NRXN3: variants seen among roughly 807,000 people sequenced by gnomAD.
The protein encoded by NRXN3 is neurexin III.
NRXN3 carries 32 observed loss-of-function variants against 137.6 expected under a neutral mutation model. The observed-to-expected ratio is 0.23, with a 90% CI of 0.18 to 0.31. NRXN3 has a LOEUF of 0.31. NRXN3 is among the 10% of genes least tolerant of loss of function. The pLI is 1.00. For missense variants in NRXN3, 1,574 were observed against 2,062.5 expected (o/e 0.76, Z 4.59); for synonymous variants, 798 against 784.5 (o/e 1.02, Z -0.29).
chr14:78,329,971 G>A (rs1209707096), intron 4 of NRXN3, among the ~76,000 whole-genome samples: 2 of 152,140 alleles, frequency 1.3e-5, no homozygotes, highest in African/African-American at 4.8e-5. Context: ...TATTATTGCA[G>A]TTACGAGCAT....
intron 15 of NRXN3, among the ~76,000 whole-genome samples, chr14:79,008,083 A>G (rs1312294924): frequency 6.6e-6 from 1 of 152,106 alleles, no homozygotes; most frequent in African/African-American, 2.4e-5. Context: ...AACTGTTTAG[A>G]TATCCACATA....
At chr14:79,415,491 A>G (rs1386700932) in intron 15 of NRXN3, among the ~76,000 whole-genome samples, 9 of 152,154 alleles carry the variant, frequency 5.9e-5, no homozygotes, top group African/African-American at 1.9e-4. Flanking sequence ...ATGTCATTTC[A>G]TGGGAGGGTC....
chr14:78,700,964 G>A (rs942186338), intron 6 of NRXN3, among the ~76,000 whole-genome samples: 1 of 152,044 alleles, frequency 6.6e-6, no homozygotes, highest in East Asian at 1.9e-4. Flanking sequence ...TAGGGACGGG[G>A]TTTCACCATC....
At chr14:79,537,988 C>T (rs2097230412) in intron 16 of NRXN3, among the ~76,000 whole-genome samples, 1 of 152,178 alleles carries the variant, frequency 6.6e-6, no homozygotes, top group Non-Finnish European at 1.5e-5. Context: ...ACCATTCTAA[C>T]TGGTATGAGA....
At chr14:78,671,653 G>A (rs930478260) in intron 6 of NRXN3, among the ~76,000 whole-genome samples, 7 of 151,916 alleles carry the variant, frequency 4.6e-5, no homozygotes, top group Non-Finnish European at 8.8e-5. Context: ...TTAAAAATAC[G>A]TTTATGCATT....
In NRXN3 at chr14:79,388,102, TA is replaced by T. The variant is rs140057318; in HGVS notation, c.3263-79109del. The stretch of plus-strand genomic sequence containing the variant: ...ATGTACCCTAAAACTTAAAGTATAA[TA>T]AAAAAAAAAGTAGGATATTTTTTAA... On this transcript the variant is annotated intron_variant, in intron 15 of 20. Transcript: ENST00000335750. Among the ~76,000 whole-genome samples, 902 of 149,182 alleles carry T rather than the reference TA, an allele frequency of 6.0e-3. 9 individuals carry two copies. The highest frequency in any genetic ancestry group is 0.02 in the African/African-American group (825 of 40,666).
chr14:78,761,739 A>G (rs1595606289), intron 8 of NRXN3, among the ~76,000 whole-genome samples: 1 of 152,190 alleles, frequency 6.6e-6, no homozygotes, highest in Non-Finnish European at 1.5e-5. Context: ...TTGAAGAATT[A>G]ACAAGGATTA....
chr14:79,165,696 A>T (rs113958957), intron 15 of NRXN3, among the ~76,000 whole-genome samples: 166 of 152,050 alleles, frequency 1.1e-3, no homozygotes, highest in African/African-American at 3.7e-3. Flanking sequence ...CACATGACTG[A>T]TGTGTGTGCA....
At chr14:78,878,941 G>A (rs942428840) in intron 10 of NRXN3, among the ~76,000 whole-genome samples, 5 of 151,794 alleles carry the variant, frequency 3.3e-5, no homozygotes, top group African/African-American at 2.4e-5. Context: ...ATATATAAGC[G>A]AGGTCGTGCA....
chr14:78,918,131 C>T (rs1012682884), intron 10 of NRXN3, among the ~76,000 whole-genome samples: 1 of 150,492 alleles, frequency 6.6e-6, no homozygotes, highest in Non-Finnish European at 1.5e-5. Context: ...ACTAAAAATA[C>T]AAAATTAGCC....
At chr14:78,742,288 A>C (rs1009547518) in intron 8 of NRXN3, among the ~76,000 whole-genome samples, 1 of 152,222 alleles carries the variant, frequency 6.6e-6, no homozygotes, top group Admixed American at 6.5e-5. Context: ...CTCTGAAGAC[A>C]GTCATATGGC....
intron 15 of NRXN3, among the ~76,000 whole-genome samples, chr14:79,032,661 C>T (rs746101627): frequency 1.3e-5 from 2 of 152,182 alleles, no homozygotes; most frequent in Non-Finnish European, 2.9e-5. Flanking sequence ...CACTTAAATT[C>T]ATTCTCCACC....
At chr14:79,735,045 G>A (rs2098937268) in intron 19 of NRXN3, among the ~76,000 whole-genome samples, 1 of 152,124 alleles carries the variant, frequency 6.6e-6, no homozygotes, top group African/African-American at 2.4e-5. Flanking sequence ...TGGTAGGGGG[G>A]AATGTAATGA....
At chr14:79,134,694 C>A (rs974631350) in intron 15 of NRXN3, among the ~76,000 whole-genome samples, 2 of 152,052 alleles carry the variant, frequency 1.3e-5, no homozygotes, top group Non-Finnish European at 2.9e-5. Flanking sequence ...TTCAAATTAT[C>A]CTTTTGAGGA....
At chr14:79,017,201 C>T (rs536160318) in intron 15 of NRXN3, among the ~76,000 whole-genome samples, 149 of 145,072 alleles carry the variant, frequency 1.0e-3, no homozygotes, top group Non-Finnish European at 1.9e-3. Flanking sequence ...GACCACTGCC[C>T]TCCTTGTGCA....
chr14:79,773,075 G>A (rs1470653357), intron 19 of NRXN3, among the ~76,000 whole-genome samples: 2 of 152,134 alleles, frequency 1.3e-5, no homozygotes, highest in African/African-American at 4.8e-5. Flanking sequence ...AAACCACAAT[G>A]AGATACCATC....
chr14:79,805,492 A>T (rs1057289895), intron 20 of NRXN3, among the ~76,000 whole-genome samples: 3 of 152,128 alleles, frequency 2.0e-5, no homozygotes, highest in African/African-American at 7.2e-5. Context: ...CCACTGGAGC[A>T]GCAAATGTGT....
intron 19 of NRXN3, among the ~76,000 whole-genome samples, chr14:79,741,780 C>G (rs1462651184): frequency 6.6e-6 from 1 of 150,624 alleles, no homozygotes; most frequent in South Asian, 2.1e-4. Context: ...GCCACCATAC[C>G]TGGCCAAAAT....
intron 4 of NRXN3, among the ~76,000 whole-genome samples, chr14:78,525,942 A>C (rs1354304629): frequency 6.6e-6 from 1 of 152,160 alleles, no homozygotes; most frequent in Non-Finnish European, 1.5e-5. Flanking sequence ...TAGTGACAGA[A>C]TTCACTAAAT....
Sources: gnomAD v4.1 joint callset for allele counts (sites outside exome capture counted in the v4.1 genomes callset) on GRCh38, gnomAD v4.1.1 for gene constraint, MANE v1.5 for transcripts, NCBI Gene and HGNC (gene_info 2026-07-23, HGNC 2026-07-21) for gene names.